The following MTUS1 variants were observed in gnomAD, a reference collection of about 807,000 sequenced individuals.
MTUS1 encodes microtubule-associated tumor suppressor 1.
A neutral mutation model predicts 120.8 loss-of-function variants in MTUS1; 109 were observed. That is an observed-to-expected ratio of 0.90 (90% CI 0.77 to 1.06). The LOEUF (loss-of-function observed/expected upper bound fraction) is 1.06, where lower values mean the gene tolerates loss of function less well. Among genes scored for constraint, MTUS1 ranks in the 50% least tolerant of loss-of-function variants. The probability of loss-of-function intolerance (pLI) is 0.00; values close to 1 mark genes in which losing one functional copy is unlikely to be tolerated. For missense variants in MTUS1, 2,210 were observed against 1,486.3 expected (o/e 1.49, Z -8.01); for synonymous variants, 737 against 550.5 (o/e 1.34, Z -4.74).
intron 1 of MTUS1, among the ~76,000 whole-genome samples, chr8:17,798,465 T>G (rs936988402): frequency 6.6e-6 from 1 of 152,116 alleles, no homozygotes; most frequent in Non-Finnish European, 1.5e-5. Context: ...CCCAAGTAGC[T>G]GAGATTACAG....
intron 6 of MTUS1, among the ~76,000 whole-genome samples, chr8:17,696,734 G>C (rs959588563): frequency 6.6e-6 from 1 of 152,170 alleles, no homozygotes. Context: ...TGGAAAACTA[G>C]ATTTGTGATT....
At chr8:17,701,220 G>A (rs1819016332) in intron 6 of MTUS1, among the ~76,000 whole-genome samples, 1 of 152,002 alleles carries the variant, frequency 6.6e-6, no homozygotes, top group Non-Finnish European at 1.5e-5. Flanking sequence ...AGCATTAATT[G>A]CAACATTTTC....
intron 13 of MTUS1, among the ~76,000 whole-genome samples, chr8:17,648,517 G>C (rs1199625869): frequency 6.6e-6 from 1 of 152,220 alleles, no homozygotes; most frequent in East Asian, 1.9e-4. Context: ...GAAGATACCA[G>C]ACTCAGTCGA....
chr8:17,650,070 G>A, intron 12 of MTUS1, 108 bp from the exon 13 acceptor site: 3 of 744,164 alleles, frequency 4.0e-6, no homozygotes, highest in Non-Finnish European at 4.8e-6. Flanking sequence ...AGCGACAGAT[G>A]TTCATCATCT....
At chr8:17,686,016 C>T (rs6586631) in intron 6 of MTUS1, among the ~76,000 whole-genome samples, 93,353 of 152,134 alleles carry the variant, frequency 0.61, 28,741 homozygotes, top group East Asian at 0.71. Flanking sequence ...ATGAGATTAG[C>T]ATTCTTTCAT....
chr8:17,747,279 C>T (rs1415932947), intron 2 of MTUS1, among the ~76,000 whole-genome samples: 1 of 152,196 alleles, frequency 6.6e-6, no homozygotes, highest in Non-Finnish European at 1.5e-5. Context: ...ATTTCTTCAG[C>T]TTTGTACTCT....
chr8:17,723,289 C>T (rs2045966461), intron 4 of MTUS1: 1 of 259,382 alleles, frequency 3.9e-6, no homozygotes, highest in African/African-American at 2.2e-5. Flanking sequence ...TTATATTAGT[C>T]CTATTACACA....
chr8:17,719,197 T>C (rs1011937658), intron 4 of MTUS1, among the ~76,000 whole-genome samples: 1 of 152,172 alleles, frequency 6.6e-6, no homozygotes, highest in Non-Finnish European at 1.5e-5. Flanking sequence ...CTTCTCATTG[T>C]TTCAGACTTT....
At chr8:17,789,759 C>T (rs1163991924) in intron 1 of MTUS1, among the ~76,000 whole-genome samples, 3 of 152,202 alleles carry the variant, frequency 2.0e-5, no homozygotes, top group African/African-American at 7.2e-5. Flanking sequence ...ATTTAACTCA[C>T]AGCAGCAGCC....
At chr8:17,663,154 CAT>C (rs1451883976) in intron 8 of MTUS1, among the ~76,000 whole-genome samples, 1 of 152,204 alleles carries the variant, frequency 6.6e-6, no homozygotes, top group African/African-American at 2.4e-5. Flanking sequence ...CACAGTCAAA[CAT>C]AATCTCTGGA....
intron 1 of MTUS1, among the ~76,000 whole-genome samples, chr8:17,762,230 G>T (rs747533488): frequency 3.3e-5 from 5 of 152,076 alleles, no homozygotes; most frequent in Non-Finnish European, 7.3e-5. Context: ...AGTGAGCCGA[G>T]ATCACACCAC....
At chr8:17,779,788 G>A (rs555387367) in intron 1 of MTUS1, among the ~76,000 whole-genome samples, 3 of 152,176 alleles carry the variant, frequency 2.0e-5, no homozygotes, top group Non-Finnish European at 2.9e-5. Context: ...GTGTTGGAGG[G>A]GGGGCGGGGG....
intron 8 of MTUS1, among the ~76,000 whole-genome samples, chr8:17,670,425 G>T (rs1351038702): frequency 1.3e-5 from 2 of 152,146 alleles, no homozygotes; most frequent in South Asian, 4.1e-4. Flanking sequence ...GTGAACGTAT[G>T]GGACAGCCAC....
intron 10 of MTUS1, 97 bp from the exon 11 acceptor site, chr8:17,653,595 A>G: frequency 1.2e-6 from 1 of 840,870 alleles, no homozygotes; most frequent in Non-Finnish European, 1.9e-6. Context: ...GTTGATGATG[A>G]AGCCGTATGA....
At chr8:17,705,185 C>T (rs1443651550) in intron 6 of MTUS1, among the ~76,000 whole-genome samples, 7 of 152,116 alleles carry the variant, frequency 4.6e-5, no homozygotes, top group South Asian at 2.1e-4. Context: ...GGTCTCAGTA[C>T]GTTGCCCAAG....
At chr8:17,761,850 A>G (rs927796318) in intron 1 of MTUS1, among the ~76,000 whole-genome samples, 1 of 152,240 alleles carries the variant, frequency 6.6e-6, no homozygotes, top group African/African-American at 2.4e-5. Flanking sequence ...AAAGTTTTTA[A>G]GAACTCACAA....
chr8:17,689,956 C>G (rs1433333202), intron 6 of MTUS1, among the ~76,000 whole-genome samples: 1 of 152,108 alleles, frequency 6.6e-6, no homozygotes, highest in African/African-American at 2.4e-5. Context: ...CTCTTCACAA[C>G]ATTGGCCGAC....
chr8:17,688,124 G>A (rs890908394), intron 6 of MTUS1, among the ~76,000 whole-genome samples: 1 of 152,186 alleles, frequency 6.6e-6, no homozygotes, highest in African/African-American at 2.4e-5. Context: ...GAGGGAGTTT[G>A]CCTTGGGTTC....
In MTUS1 at chr8:17,710,766, A is replaced by C. The variant is rs191317991; in HGVS notation, c.2623+2448T>G. Among the ~76,000 whole-genome samples the C allele has an allele frequency of 3.4e-3, 522 of 152,290 alleles. 4 individuals carry two copies. Among genetic ancestry groups the C allele is most frequent in the Middle Eastern group, 0.01 (3 of 294 alleles). On this transcript the variant is annotated intron_variant, in intron 6 of 14. Coordinates refer to ENST00000693296, the MANE Select transcript of MTUS1 (RefSeq NM_001363059.2). ...CAGTATCTAGGGCAGCTACAGTCTT[A>C]CACAATGTACTTCTTAAATAGTAAG...
Sources: gnomAD v4.1 joint callset for allele counts (sites outside exome capture counted in the v4.1 genomes callset) on GRCh38, gnomAD v4.1.1 for gene constraint, MANE v1.5 for transcripts, NCBI Gene and HGNC (gene_info 2026-07-23, HGNC 2026-07-21) for gene names.